Variants in DPP7 observed in about 807,000 individuals in gnomAD.
The protein encoded by DPP7 is dipeptidyl peptidase 7.
A neutral mutation model predicts 58.8 loss-of-function variants in DPP7; 74 were observed. That is an observed-to-expected ratio of 1.26 (90% CI 1.04 to 1.53). The LOEUF (loss-of-function observed/expected upper bound fraction) is 1.53, where lower values mean the gene tolerates loss of function less well. Among genes scored for constraint, DPP7 ranks in the 40% most tolerant of loss-of-function variants. The pLI is 0.00. For missense variants in DPP7, 807 were observed against 692.3 expected, an observed-to-expected ratio of 1.17 and a Z score of -1.86; for synonymous variants, 350 against 303.6, an observed-to-expected ratio of 1.15 and a Z score of -1.59.
upstream of DPP7, chr9:137,114,737 A>C: frequency 7.9e-7 from 1 of 1,263,614 alleles, no homozygotes; most frequent in African/African-American, 1.6e-5. Context: ...GGCGCCCGTC[A>C]CGTGGGCGGG....
At chr9:137,114,761 C>T, upstream of DPP7, 4 of 1,241,842 alleles carry the variant, frequency 3.2e-6, no homozygotes, top group South Asian at 1.3e-4. Context: ...ACGGGGCCGC[C>T]AGGGCGCGCT....
chr9:137,113,149 T>A (rs1236673762), intron 6 of DPP7, 30 bp from the exon 7 acceptor site: 1 of 1,613,626 alleles, frequency 6.2e-7, no homozygotes. Flanking sequence ...ACTTGAAGTT[T>A]GGGCATAGCT....
At chr9:137,115,580 T>C (rs1268707642), upstream of DPP7, among the ~76,000 whole-genome samples, 2 of 152,014 alleles carry the variant, frequency 1.3e-5, no homozygotes, top group East Asian at 1.9e-4. Context: ...ACCCTGTCCT[T>C]CTCCCAAGAC....
rs369979070 is a variant in DPP7, at chr9:137,112,989, A to G, written c.834T>C (p.Thr278=). The change falls in exon 7 of 13, where the codon ACT becomes ACC. Residue 278 remains threonine (T), a synonymous_variant. Coordinates refer to ENST00000371579, the MANE Select transcript of DPP7 (RefSeq NM_013379.3). ...VLAMMDYPYP[T]DFLGPLPANP... ...TGGCAGGGAGGGGACCCAGGAAGTCAGTGGGGTAGGGGTAGTCCATCATGG... is the reference window on the plus strand; with the variant it reads ...TGGCAGGGAGGGGACCCAGGAAGTCGGTGGGGTAGGGGTAGTCCATCATGG... 4.5e-5 allele frequency: 72 copies of G among 1,613,446 alleles called. No individual in the cohort carries two copies. The South Asian group carries it at 7.4e-4, about 16-fold the overall frequency.
At chr9:137,111,568 G>A (rs1831366619) in intron 11 of DPP7, 122 bp downstream of exon 11, 33 of 1,089,554 alleles carry the variant, frequency 3.0e-5, no homozygotes, top group Admixed American at 8.7e-5. Flanking sequence ...AGCCTCAGAG[G>A]TCAAGGCTGC....
Position 137,112,210 on chromosome 9 carries a change from C to T in DPP7, c.952G>A (p.Gly318Ser). 3 of 1,602,046 alleles carry T rather than the reference C, an allele frequency of 1.9e-6. No homozygotes were observed. The South Asian group carries it at 3.3e-5, about 18-fold the overall frequency. ...ALAGLVYNAS[G>S]SEHCYDIYRL... ...TAGATGTCGTAGCAGTGCTCGGAGC[C>T]CGAGGCGTTGTAGACCAGCCCTGGG... The change falls in exon 9 of 13, where the codon GGC (glycine) becomes AGC (serine). Residue 318 changes from glycine (G) to serine (S), a missense_variant. Around this residue, in one of 3 missense-constraint regions of DPP7, gnomAD observed 624 missense variants for 531.2 expected, o/e 1.17. Coordinates refer to ENST00000371579, the MANE Select transcript of DPP7 (RefSeq NM_013379.3).
At position 137,110,810 on chromosome 9, in the gene DPP7, G is replaced by A. The variant is rs368544124; in HGVS notation, c.1344-27C>T. 226 of 1,601,512 alleles carry A rather than the reference G, an allele frequency of 1.4e-4. No homozygotes were observed. The African/African-American group carries it at 1.7e-3, about 12-fold the overall frequency. ...TGGGGAGCGGGCACAGAGGGGGCCC[G>A]TCAGCCCCAGCCCTCGGTGAGCCTG... is the stretch of plus-strand genomic sequence containing the variant. On this transcript the variant is annotated intron_variant, in intron 12 of 12. Transcript: ENST00000371579.
At chr9:137,117,521 C>G (rs1473100092), upstream of DPP7, among the ~76,000 whole-genome samples, 1 of 152,240 alleles carries the variant, frequency 6.6e-6, no homozygotes, top group Non-Finnish European at 1.5e-5. Flanking sequence ...AGCCCAAACC[C>G]TCCCCTCGAG....
intron 7 of DPP7, 70 bp downstream of exon 7, chr9:137,112,883 A>C: frequency 6.2e-7 from 1 of 1,602,424 alleles, no homozygotes. Flanking sequence ...GATGAGGGTC[A>C]GGCCGCTGAC....
Position 137,110,619 on chromosome 9 carries a change from G to A in DPP7, c.*29C>T, listed in dbSNP as rs779736474. On this transcript the variant is annotated 3_prime_UTR_variant, in exon 13 of 13. Transcript: ENST00000371579. ...CTTGAGTGAAGCCCCCACTCCATGA[G>A]GAGCCTTGAGACCCCTCCAGTCCTG... is the stretch of plus-strand genomic sequence containing the variant. 2 of 1,598,608 alleles carry A rather than the reference G, an allele frequency of 1.3e-6. No individual in the cohort carries two copies. The highest frequency in any genetic ancestry group is 1.7e-6 in the Non-Finnish European group (2 of 1,173,088).
chr9:137,116,712 C>T (rs773659828), upstream of DPP7, among the ~76,000 whole-genome samples: 1 of 152,224 alleles, frequency 6.6e-6, no homozygotes, highest in Non-Finnish European at 1.5e-5. Flanking sequence ...AGAGGGAGGC[C>T]TCTTTGCAGT....
In DPP7 at chr9:137,110,727, G is replaced by A. The variant is rs943064207; in HGVS notation, c.1400C>T (p.Thr467Ile). The A allele has an allele frequency of 1.9e-6, 3 of 1,607,608 alleles. No homozygotes were observed. Among genetic ancestry groups the A allele is most frequent in the Non-Finnish European group, 2.5e-6 (3 of 1,179,890 alleles). The change falls in exon 13 of 13, where the codon ACC (threonine) becomes ATC (isoleucine). Residue 467 changes from threonine to isoleucine, a missense_variant. This residue lies in a region of DPP7 where 624 missense variants were observed against 531.2 expected (regional missense o/e 1.17). Transcript: ENST00000371579. ...TGCCTTTACCCACTCGCCGATGATG[G>A]TGGCCTCCAGCTTCCGCGCCTCAAC... Reference protein sequence around the residue: ...SVVEARKLEATIIGEWVKAAR... With the variant: ...SVVEARKLEAIIIGEWVKAAR...
chr9:137,110,647 C>T lies in DPP7; in HGVS notation c.*1G>A. Reference sequence around the variant, plus strand: ...GCCTTGAGACCCCTCCAGTCCTGTGCTCAGAGGCTGAGTCTGGGCCCCCCA... The same window carrying T: ...GCCTTGAGACCCCTCCAGTCCTGTGTTCAGAGGCTGAGTCTGGGCCCCCCA... On this transcript the variant is annotated 3_prime_UTR_variant, in exon 13 of 13. Coordinates refer to ENST00000371579, the MANE Select transcript of DPP7 (RefSeq NM_013379.3). The T allele has an allele frequency of 6.2e-7, 1 of 1,609,706 alleles. No individual in the cohort carries two copies. The highest frequency in any genetic ancestry group is 2.2e-5 in the East Asian group (1 of 44,864).
chr9:137,112,755 T>C lies in DPP7; in HGVS notation c.921A>G (p.Arg307=). The C allele has an allele frequency of 6.2e-7, 1 of 1,606,090 alleles. No individual in the cohort carries two copies. Among genetic ancestry groups the C allele is most frequent in the South Asian group, 1.1e-5 (1 of 90,138 alleles). The part of the protein sequence containing the change: ...LSEAQRITGL[R]ALAGLVYNAS... ...CCGGGGGAAGGGCACCTGCCAGTGC[T>C]CGCAGCCCCGTGATCCTCTGGGCCT... is the stretch of plus-strand genomic sequence containing the variant. Residue 307 remains arginine, a synonymous_variant, in exon 8 of 13, where the codon CGA becomes CGG. Transcript: ENST00000371579.
chr9:137,112,074 T>C (rs375495162), intron 9 of DPP7, 38 bp downstream of exon 9: 9 of 1,611,910 alleles, frequency 5.6e-6, no homozygotes, highest in Non-Finnish European at 7.6e-6. Context: ...CGCCCACCCT[T>C]GCCCCCGAGT....
rs1279714740 is a variant in DPP7, at chr9:137,113,063, C to T, written c.760G>A (p.Asp254Asn). Residue 254 changes from aspartate (D) to asparagine (N), a missense_variant, in exon 7 of 13, where the codon GAC becomes AAC. This residue lies in a region of DPP7 where 624 missense variants were observed against 531.2 expected (regional missense o/e 1.17). Transcript: ENST00000371579. ...GTCQPLSDEK[D>N]LTQLFMFARN... Reference sequence around the variant, plus strand: ...GCGAACATGAAGAGCTGGGTCAGGTCCTTCTCGTCTGACAGCGGCTGGCAG... The same window carrying T: ...GCGAACATGAAGAGCTGGGTCAGGTTCTTCTCGTCTGACAGCGGCTGGCAG... 1.2e-6 allele frequency: 2 copies of T among 1,613,794 alleles called. No individual in the cohort carries two copies. Among genetic ancestry groups the T allele is most frequent in the African/African-American group, 1.3e-5 (1 of 74,934 alleles).
At chr9:137,111,644 A>G in intron 11 of DPP7, 46 bp downstream of exon 11, 2 of 1,590,002 alleles carry the variant, frequency 1.3e-6, no homozygotes, top group Non-Finnish European at 1.7e-6. Context: ...TCTCAAAAAA[A>G]AAACAAACAA....
In DPP7 at chr9:137,113,987, C is replaced by A; in HGVS notation, c.363G>T (p.Thr121=). Residue 121 remains threonine (T), a synonymous_variant, in exon 4 of 13, where the codon ACG becomes ACT. Transcript: ENST00000371579. Reference sequence around the variant, plus strand: ...TCAGCAGCTCCGTGTGCCCGCGCTGCGTGGACTGCGCACCGAACGGCAGCG... The same window carrying A: ...TCAGCAGCTCCGTGTGCCCGCGCTGAGTGGACTGCGCACCGAACGGCAGCG... ...GKSLPFGAQS[T]QRGHTELLTV... 1 of 1,573,566 alleles carries A rather than the reference C, an allele frequency of 6.4e-7. No homozygotes were observed. Among genetic ancestry groups the A allele is most frequent in the Non-Finnish European group, 8.6e-7 (1 of 1,163,664 alleles).
upstream of DPP7, among the ~76,000 whole-genome samples, chr9:137,116,504 G>A (rs538971938): frequency 5.9e-5 from 9 of 152,350 alleles, no homozygotes; most frequent in East Asian, 3.9e-4. Context: ...AAAAGTCATC[G>A]CCATCCTCCA....
Sources: allele counts gnomAD v4.1 joint callset (sites outside exome capture counted in the v4.1 genomes callset), GRCh38; gene constraint gnomAD v4.1.1; regional missense constraint gnomAD v4.1.1; transcripts MANE v1.5; gene names NCBI Gene and HGNC (gene_info 2026-07-23, HGNC 2026-07-21).